The following NPDC1 variants were observed in gnomAD, a reference collection of about 807,000 sequenced individuals.
The protein encoded by NPDC1 is neural proliferation, differentiation and control 1.
Under a neutral mutation model 32.5 loss-of-function variants are expected in NPDC1, and 18 were observed. That is an observed-to-expected ratio of 0.55 (90% CI 0.38 to 0.82). The LOEUF is 0.82. NPDC1 is among the 40% of genes least tolerant of loss of function. The pLI is 0.00. For synonymous variants in NPDC1, 210 were observed against 184.7 expected (o/e 1.14, Z -1.11); for missense variants, 468 against 406.6 (o/e 1.15, Z -1.30).
Position 137,041,176 on chromosome 9 carries a change from G to A in NPDC1, c.271C>T (p.Pro91Ser). 1 of 1,445,800 alleles carries A rather than the reference G, an allele frequency of 6.9e-7. No individual in the cohort carries two copies. The highest frequency in any genetic ancestry group is 1.5e-5 in the South Asian group (1 of 65,906). 89.6% of individuals were successfully genotyped at this position (1,445,800 alleles called of 1,614,324 possible). ...ATCTCATCTTCCAGTCTGGGCTGGG[G>A]CCGGCCCCCGCCTGGGGAGGGTGAG... ...RMRRPPGGGR[P>S]QPRLEDEIDF... Residue 91 changes from proline to serine, a missense_variant, in exon 3 of 9, where the codon CCC (proline) becomes TCC (serine). Transcript: ENST00000371601.
intron 2 of NPDC1, 37 bp from the exon 3 acceptor site, chr9:137,041,224 G>A (rs367614310): frequency 2.1e-4 from 296 of 1,389,944 alleles, no homozygotes; most frequent in Non-Finnish European, 2.3e-4. Context: ...GGAGGGGTCC[G>A]TCCAGGAGGT....
chr9:137,041,449 C>G (rs1832054693), intron 2 of NPDC1, among the ~76,000 whole-genome samples: 2 of 152,152 alleles, frequency 1.3e-5, no homozygotes, highest in African/African-American at 4.8e-5. Flanking sequence ...GGAGTGGGGT[C>G]TCTCGCCCCA....
intron 1 of NPDC1, 66 bp from the exon 2 acceptor site, chr9:137,043,139 G>A: frequency 1.3e-6 from 2 of 1,561,124 alleles, no homozygotes; most frequent in Non-Finnish European, 1.7e-6. Flanking sequence ...GCACACGGCA[G>A]CGCTGCCCCA....
intron 7 of NPDC1, 32 bp downstream of exon 7, chr9:137,040,325 G>A: frequency 1.8e-6 from 2 of 1,105,590 alleles, no homozygotes; most frequent in Non-Finnish European, 1.2e-6. Context: ...GGGTGGGTGG[G>A]TGGGGGTGGC....
chr9:137,039,670 G>A lies in NPDC1; in HGVS notation c.*102C>T, dbSNP rs948489016. On this transcript the variant is annotated 3_prime_UTR_variant, in exon 9 of 9. Transcript: ENST00000371601. ...CCTGGAGCCCGAGGCCCAGCCAAAA[G>A]CACACAGCATCAAAACATGTTTTTA... The A allele has an allele frequency of 4.9e-6, 3 of 610,400 alleles. No homozygotes were observed. Among genetic ancestry groups the A allele is most frequent in the Admixed American group, 5.9e-5 (2 of 33,966 alleles). 37.8% of individuals were successfully genotyped at this position (610,400 alleles called of 1,614,324 possible).
intron 1 of NPDC1, chr9:137,043,531 C>G (rs565004099): frequency 1.7e-6 from 1 of 604,120 alleles, no homozygotes; most frequent in Non-Finnish European, 3.0e-6. Context: ...CCTTCCCGTG[C>G]GGCTCTCCCC....
rs370154019 is a variant in NPDC1, at chr9:137,040,717, C to A, written c.577G>T (p.Val193Leu). The change falls in exon 5 of 9, where the codon GTG (valine) becomes TTG (leucine). Residue 193 changes from valine (V) to leucine (L), a missense_variant. Coordinates refer to ENST00000371601, the MANE Select transcript of NPDC1 (RefSeq NM_015392.4). ...LALVLILAFC[V>L]AGAAALSVAS... ...ACGGAGAGGGCGGCTGCACCGGCCACACAGAACGCCAGGATCAGCACTGCA... is the reference window on the plus strand; with the variant it reads ...ACGGAGAGGGCGGCTGCACCGGCCAAACAGAACGCCAGGATCAGCACTGCA... 1 of 1,590,016 alleles carries A rather than the reference C, an allele frequency of 6.3e-7. No individual in the cohort carries two copies. The highest frequency in any genetic ancestry group is 1.8e-5 in the Admixed American group (1 of 56,902).
chr9:137,042,354 C>G (rs545180939), intron 2 of NPDC1, among the ~76,000 whole-genome samples: 2 of 147,146 alleles, frequency 1.4e-5, no homozygotes, highest in Admixed American at 1.4e-4. Context: ...CCCGGGTTCA[C>G]GCCATTCTCC....
At position 137,040,606 on chromosome 9, in the gene NPDC1, G is replaced by A. The variant is rs775279700; in HGVS notation, c.624-8C>T. ...CGGATCTCACGCTGCAGCCTGTGGG[G>A]AGTGGGGCCTGAGACCTCTGAGCGT... On this transcript the variant is annotated splice_region_variant and splice_polypyrimidine_tract_variant and intron_variant, in intron 5 of 8. Transcript: ENST00000371601. The A allele has an allele frequency of 2.5e-5, 39 of 1,567,176 alleles. No individual in the cohort carries two copies. The highest frequency in any genetic ancestry group is 3.4e-5 in the Non-Finnish European group (39 of 1,161,448).
At chr9:137,040,207 G>A (rs1271037383) in intron 7 of NPDC1, 140 bp from the exon 8 acceptor site, 5 of 772,450 alleles carry the variant, frequency 6.5e-6, no homozygotes, top group Non-Finnish European at 1.1e-5. Context: ...GGGGAGGTGA[G>A]GGTGCAGGGC....
In NPDC1 at chr9:137,040,285, G is replaced by A. The variant is rs1043493391; in HGVS notation, c.788+72C>T. ...GCCTGGGGTAAAGTTGGCCAGGGGA[G>A]GTGGAAATGGAGGTGGAGGTGGGGA... On this transcript the variant is annotated intron_variant, in intron 7 of 8. Coordinates refer to ENST00000371601, the MANE Select transcript of NPDC1 (RefSeq NM_015392.4). 5 of 1,403,802 alleles carry A rather than the reference G, an allele frequency of 3.6e-6. No homozygotes were observed. The African/African-American group carries it at 7.3e-5, about 20-fold the overall frequency. The allele number at this position is 1,403,802 out of a possible 1,614,324, so 87.0% of individuals were successfully genotyped here.
rs367792450 is a variant in NPDC1 at position 137,040,874 on chromosome 9, C to G, written c.496G>C (p.Asp166His). 1.9e-6 allele frequency: 3 copies of G among 1,598,818 alleles called. No individual in the cohort carries two copies. Among genetic ancestry groups the G allele is most frequent in the Non-Finnish European group, 2.6e-6 (3 of 1,175,672 alleles). Residue 166 changes from aspartate to histidine, a missense_variant, in exon 4 of 9, where the codon GAC becomes CAC. Asp to His is a moderately conservative substitution (Grantham distance 81). Coordinates refer to ENST00000371601, the MANE Select transcript of NPDC1 (RefSeq NM_015392.4). ...TCCAGGGGCGACATGTGCACCGGGT[C>G]GGATGACACAGGGGAGCCCAGGGAG... ...HTSLGSPVSSDPVHMSPLEPR... is the reference protein window; with the variant it reads ...HTSLGSPVSSHPVHMSPLEPR...
intron 1 of NPDC1, chr9:137,043,320 G>C (rs1832085328): frequency 2.8e-6 from 2 of 717,632 alleles, no homozygotes; most frequent in Non-Finnish European, 5.2e-6. Flanking sequence ...AGGCCTGATA[G>C]AGCCCTCAGC....
In NPDC1 at chr9:137,045,865, C is replaced by G; in HGVS notation, c.112+13G>C. ...GGGGCGCCCCGCGGCCTGCGCCCAG[C>G]GCGCTCGCTCACCCGGGTGGCCGGC... On this transcript the variant is annotated intron_variant, in intron 1 of 8. Transcript: ENST00000371601. The G allele has an allele frequency of 1.9e-6, 2 of 1,031,200 alleles. No homozygotes were observed. The highest frequency in any genetic ancestry group is 2.3e-6 in the Non-Finnish European group (2 of 861,350). 63.9% of individuals were successfully genotyped at this position (1,031,200 alleles called of 1,614,324 possible). A position where few individuals can be genotyped will look rare whatever the true frequency, so the allele number is the denominator to read the frequency against.
At position 137,045,906 on chromosome 9, in the gene NPDC1, G is replaced by A. The variant is rs1832123281; in HGVS notation, c.84C>T (p.Ala28=). The part of the protein sequence containing the change: ...LLLSGLVLGA[A]LRGAAAGHPD... ...GGTGGCCGGCGGCGGCTCCACGCAGGGCGGCGCCGAGGACGAGGCCGGAGA... is the reference window on the plus strand; with the variant it reads ...GGTGGCCGGCGGCGGCTCCACGCAGAGCGGCGCCGAGGACGAGGCCGGAGA... Residue 28 remains alanine (A), a synonymous_variant, in exon 1 of 9, where the codon GCC becomes GCT. Transcript: ENST00000371601. 1.7e-6 allele frequency: 2 copies of A among 1,144,306 alleles called. No homozygotes were observed. 70.9% of individuals were successfully genotyped at this position (1,144,306 alleles called of 1,614,324 possible).
rs1324780864 is a variant in NPDC1, at chr9:137,041,204, G to A, written c.260-17C>T. Reference sequence around the variant, plus strand: ...GGCCCCCGCCTGGGGAGGGTGAGGGGCCATCAGGTGGAGGGGTCCGTCCAG... The same window carrying A: ...GGCCCCCGCCTGGGGAGGGTGAGGGACCATCAGGTGGAGGGGTCCGTCCAG... On this transcript the variant is annotated splice_polypyrimidine_tract_variant and intron_variant, in intron 2 of 8. Transcript: ENST00000371601. 6 of 1,423,602 alleles carry A rather than the reference G, an allele frequency of 4.2e-6. No individual in the cohort carries two copies. Among genetic ancestry groups the A allele is most frequent in the African/African-American group, 1.5e-5 (1 of 68,524 alleles). The allele number at this position is 1,423,602 out of a possible 1,614,324, so 88.2% of individuals were successfully genotyped here.
chr9:137,043,612 G>T, intron 1 of NPDC1: 1 of 546,200 alleles, frequency 1.8e-6, no homozygotes. Context: ...TGTCCCCCAG[G>T]CACCGAGGAC....
chr9:137,039,673 C>A lies in NPDC1; in HGVS notation c.*99G>T. ...GGAGCCCGAGGCCCAGCCAAAAGCA[C>A]ACAGCATCAAAACATGTTTTTAGTG... On this transcript the variant is annotated 3_prime_UTR_variant, in exon 9 of 9. Coordinates refer to ENST00000371601, the MANE Select transcript of NPDC1 (RefSeq NM_015392.4). The A allele has an allele frequency of 1.6e-6, 1 of 613,834 alleles. No individual in the cohort carries two copies. The highest frequency in any genetic ancestry group is 2.9e-6 in the Non-Finnish European group (1 of 342,056). 38.0% of individuals were successfully genotyped at this position (613,834 alleles called of 1,614,324 possible).
At chr9:137,044,476 T>G (rs535957176) in intron 1 of NPDC1, among the ~76,000 whole-genome samples, 1 of 152,340 alleles carries the variant, frequency 6.6e-6, no homozygotes, top group South Asian at 2.1e-4. Flanking sequence ...CTCTAGGGTC[T>G]GGGTTCCAGG....
Sources: gnomAD v4.1 joint callset for allele counts (sites outside exome capture counted in the v4.1 genomes callset) on GRCh38, gnomAD v4.1.1 for gene constraint, MANE v1.5 for transcripts, NCBI Gene and HGNC (gene_info 2026-07-23, HGNC 2026-07-21) for gene names.